The following GPHN variants were observed in gnomAD, a reference collection of about 807,000 sequenced individuals.
GPHN encodes the protein gephyrin.
In GPHN, 17 loss-of-function variants were observed where a neutral mutation model predicts 95.5. That is an observed-to-expected ratio of 0.18 (90% CI 0.12 to 0.27). GPHN has a LOEUF of 0.27. Ranked by LOEUF, GPHN falls within the 10% of genes least tolerant of loss-of-function variation. GPHN has a pLI of 1.00. For synonymous variants in GPHN, 320 were observed against 322.5 expected, an observed-to-expected ratio of 0.99 and a Z score of 0.08; for missense variants, 660 against 978.1, an observed-to-expected ratio of 0.67 and a Z score of 4.34.
chr14:66,653,070 C>T lies in GPHN; in HGVS notation c.65-28037C>T, dbSNP rs79309975. On this transcript the variant is annotated intron_variant, in intron 1 of 22. Transcript: ENST00000478722. Reference sequence around the variant, plus strand: ...TTTCTCTGCAGTTCCTTCACTTACACCTTTCTTAGGAACTGTTGAGGGCTG... The same window carrying T: ...TTTCTCTGCAGTTCCTTCACTTACATCTTTCTTAGGAACTGTTGAGGGCTG... Among the ~76,000 whole-genome samples the T allele has an allele frequency of 2.6e-3, 395 of 152,256 alleles. 1 individual carries two copies. Among genetic ancestry groups the T allele is most frequent in the African/African-American group, 8.9e-3 (368 of 41,552 alleles).
the GPHN span, among the ~76,000 whole-genome samples, chr14:67,240,898 A>AT: frequency 6.6e-6 from 1 of 152,256 alleles, no homozygotes; most frequent in East Asian, 1.9e-4. Context: ...TGTTTATGTC[A>AT]TTTTTTAAAA....
the GPHN span, chr14:67,690,505 G>T: frequency 9.1e-7 from 1 of 1,093,574 alleles, no homozygotes; most frequent in South Asian, 1.4e-5. Flanking sequence ...ACCTATGGGA[G>T]GCAGATAATT....
chr14:66,985,695 C>T (rs1468122084), intron 9 of GPHN: 24 of 1,529,954 alleles, frequency 1.6e-5, no homozygotes, highest in Middle Eastern at 1.7e-4. Context: ...ATTAGACGGC[C>T]GGATGAAAGC....
the GPHN span, chr14:67,345,794 G>A: frequency 1.2e-6 from 2 of 1,613,892 alleles, no homozygotes; most frequent in Middle Eastern, 3.3e-4. Flanking sequence ...TCCACCAGTA[G>A]TTCCACTGCT....
At chr14:67,539,220 T>C in the GPHN span, among the ~76,000 whole-genome samples, 1 of 152,210 alleles carries the variant, frequency 6.6e-6, no homozygotes, top group East Asian at 1.9e-4. Context: ...TCTGAGAGCC[T>C]TACAAGGTTC....
the GPHN span, among the ~76,000 whole-genome samples, chr14:67,250,108 CTTGAAAACCA>C: frequency 6.6e-6 from 1 of 152,118 alleles, no homozygotes; most frequent in East Asian, 1.9e-4. Flanking sequence ...CATCCTACAA[CTTGAAAACCA>C]TTGATGTAGA....
rs1484862831 is a variant in GPHN, at chr14:66,684,352, G to A, written c.143+3167G>A. 2.6e-5 allele frequency among the ~76,000 whole-genome samples: 4 copies of A among 152,238 alleles called. No homozygotes were observed. In the South Asian group the frequency reaches 6.2e-4, roughly 24 times the overall value. On this transcript the variant is annotated intron_variant, in intron 2 of 22. Transcript: ENST00000478722. The stretch of plus-strand genomic sequence containing the variant: ...TTATATGTCTTAATTGGATAAATGA[G>A]CAGATACAGAATTTCTGTGGACAAA...
At chr14:67,302,836 A>G in the GPHN span, among the ~76,000 whole-genome samples, 5 of 152,086 alleles carry the variant, frequency 3.3e-5, no homozygotes, top group Non-Finnish European at 7.4e-5. Context: ...CACTCAGTAC[A>G]TATTTATTGA....
chr14:66,813,891 G>A (rs528114287), intron 3 of GPHN, among the ~76,000 whole-genome samples: 207 of 152,214 alleles, frequency 1.4e-3, no homozygotes, highest in Middle Eastern at 6.8e-3. Context: ...TACCCACGCC[G>A]TAGCTTCAAC....
the GPHN span, among the ~76,000 whole-genome samples, chr14:67,341,126 T>TGGCC: frequency 6.6e-6 from 1 of 150,576 alleles, no homozygotes; most frequent in Non-Finnish European, 1.5e-5. Flanking sequence ...CCTCTCTGCC[T>TGGCC]GGCCGCCCAT....
At chr14:67,575,878 C>T in the GPHN span, 9 of 1,613,976 alleles carry the variant, frequency 5.6e-6, no homozygotes, top group South Asian at 9.9e-5. Flanking sequence ...GTAGATCGAT[C>T]CTGTGACTCA....
intron 8 of GPHN, among the ~76,000 whole-genome samples, chr14:66,951,783 A>G (rs1363245391): frequency 2.0e-5 from 3 of 152,214 alleles, no homozygotes; most frequent in Non-Finnish European, 2.9e-5. Context: ...CACTTATTGT[A>G]TGATAATTTA....
chr14:67,309,592 A>G, the GPHN span, among the ~76,000 whole-genome samples: 6 of 152,334 alleles, frequency 3.9e-5, no homozygotes, highest in Non-Finnish European at 7.4e-5. Flanking sequence ...TGAGAACTGC[A>G]TAGGCAAGAG....
At chr14:67,638,350 C>T in the GPHN span, among the ~76,000 whole-genome samples, 1 of 148,716 alleles carries the variant, frequency 6.7e-6, no homozygotes, top group Non-Finnish European at 1.5e-5. Flanking sequence ...ACAGTGAGAC[C>T]CTGTCTCTAC....
At chr14:67,568,925 C>T in the GPHN span, 1 of 539,908 alleles carries the variant, frequency 1.9e-6, no homozygotes, top group Non-Finnish European at 3.3e-6. Flanking sequence ...CATTGATTCT[C>T]ACAGCAGCCT....
chr14:67,392,310 C>T, the GPHN span: 1 of 1,495,876 alleles, frequency 6.7e-7, no homozygotes, highest in Non-Finnish European at 9.3e-7. Context: ...CTCTTCCCTG[C>T]TCATAGCAGC....
At chr14:67,412,426 A>G in the GPHN span, among the ~76,000 whole-genome samples, 1 of 152,134 alleles carries the variant, frequency 6.6e-6, no homozygotes, top group Non-Finnish European at 1.5e-5. Flanking sequence ...CCCTCGAGGA[A>G]CGCTTATCGA....
chr14:66,688,324 C>T (rs968451408), intron 2 of GPHN, among the ~76,000 whole-genome samples: 4 of 151,966 alleles, frequency 2.6e-5, no homozygotes, highest in African/African-American at 9.7e-5. Context: ...GAAGAGTTGT[C>T]AGGGAGGTAG....
At chr14:66,983,933 C>T (rs1446634581) in intron 9 of GPHN, among the ~76,000 whole-genome samples, 2 of 152,150 alleles carry the variant, frequency 1.3e-5, no homozygotes, top group Non-Finnish European at 2.9e-5. Context: ...GGGAATGCTA[C>T]TTTAAACTAG....
Sources: allele counts gnomAD v4.1 joint callset (sites outside exome capture counted in the v4.1 genomes callset), GRCh38; gene constraint gnomAD v4.1.1; transcripts MANE v1.5; gene names NCBI Gene and HGNC (gene_info 2026-07-23, HGNC 2026-07-21).